Variants in DDX43 observed in about 807,000 individuals in gnomAD.
The protein encoded by DDX43 is probable ATP-dependent RNA helicase DDX43.
DDX43 carries 50 observed loss-of-function variants against 84.9 expected under a neutral mutation model. That is an observed-to-expected ratio of 0.59 (90% CI 0.47 to 0.75). The LOEUF is 0.75. Ranked by LOEUF, DDX43 falls within the 30% of genes least tolerant of loss-of-function variation. The pLI is 0.00. For missense variants in DDX43, 689 were observed against 798.6 expected (o/e 0.86, Z 1.65); for synonymous variants, 291 against 266.3 (o/e 1.09, Z -0.90).
At chr6:73,412,975 C>T (rs535093387) in intron 11 of DDX43, among the ~76,000 whole-genome samples, 1 of 152,184 alleles carries the variant, frequency 6.6e-6, no homozygotes, top group East Asian at 1.9e-4. Flanking sequence ...GCGATCTGCC[C>T]CCTTGGCCTC....
chr6:73,400,106 CTGT>C (rs1390469053), intron 2 of DDX43, 125 bp from the exon 3 acceptor site: 4 of 665,148 alleles, frequency 6.0e-6, no homozygotes, highest in Non-Finnish European at 9.6e-6. Flanking sequence ...GGTGGTAATA[CTGT>C]ATTTACTTTA....
intron 1 of DDX43, among the ~76,000 whole-genome samples, chr6:73,396,509 G>T (rs1447525373): frequency 6.6e-6 from 1 of 152,104 alleles, no homozygotes; most frequent in South Asian, 2.1e-4. Context: ...AAGCCACTAG[G>T]TTTGCAATAA....
chr6:73,397,912 T>G, intron 2 of DDX43, 168 bp downstream of exon 2: 1 of 482,968 alleles, frequency 2.1e-6, no homozygotes, highest in Non-Finnish European at 3.7e-6. Flanking sequence ...ATTCTCCTGC[T>G]TCAGCCTCCT....
intron 2 of DDX43, among the ~76,000 whole-genome samples, chr6:73,399,693 C>T (rs900735559): frequency 2.6e-5 from 4 of 152,138 alleles, no homozygotes; most frequent in Non-Finnish European, 5.9e-5. Context: ...ATAGGTGTTA[C>T]TTGTAGATTC....
At chr6:73,407,642 C>T (rs374717828) in intron 8 of DDX43, 27 bp downstream of exon 8, 5 of 1,375,438 alleles carry the variant, frequency 3.6e-6, no homozygotes, top group Non-Finnish European at 5.2e-6. Flanking sequence ...CCCATTCCTT[C>T]ACCAGTATCA....
chr6:73,398,344 C>T (rs958518440), intron 2 of DDX43, among the ~76,000 whole-genome samples: 5 of 151,922 alleles, frequency 3.3e-5, no homozygotes, highest in Admixed American at 1.3e-4. Flanking sequence ...CTCTGCCTCC[C>T]GGGTTGAAGC....
At chr6:73,400,072 T>C (rs867983264) in intron 2 of DDX43, among the ~76,000 whole-genome samples, 162 bp from the exon 3 acceptor site, 1 of 152,208 alleles carries the variant, frequency 6.6e-6, no homozygotes, top group African/African-American at 2.4e-5. Context: ...TATTCCTCTC[T>C]AACTAGAAAT....
chr6:73,403,221 C>T (rs575469756), intron 4 of DDX43, among the ~76,000 whole-genome samples: 2 of 152,244 alleles, frequency 1.3e-5, no homozygotes, highest in South Asian at 4.2e-4. Context: ...GTAATCCCAG[C>T]ACTTTGGGAG....
chr6:73,394,994 G>A lies in DDX43; in HGVS notation c.89G>A (p.Arg30Lys), dbSNP rs1324364820. ...ACAGTGTCCCGAGCGCCAGAGAGGA[G>A]GCCGGCGGAGGAGTTGAATCGAACA... Reference protein sequence around the residue: ...SSTVSRAPERRPAEELNRTGP... With the variant: ...SSTVSRAPERKPAEELNRTGP... Residue 30 changes from arginine to lysine, a missense_variant, in exon 1 of 17, where the codon AGG becomes AAG. Transcript: ENST00000370336. 2.5e-6 allele frequency: 4 copies of A among 1,614,284 alleles called. No homozygotes were observed. Among genetic ancestry groups the A allele is most frequent in the Non-Finnish European group, 3.4e-6 (4 of 1,180,052 alleles).
In DDX43 at chr6:73,407,951, CTTTTT is replaced by C; in HGVS notation, c.1038-8_1038-4del. 1 of 1,604,642 alleles carries C rather than the reference CTTTTT, an allele frequency of 6.2e-7. No homozygotes were observed. Among genetic ancestry groups the C allele is most frequent in the South Asian group, 1.1e-5 (1 of 90,136 alleles). Reference sequence around the variant, plus strand: ...CTAAACATTAACCTTTAGATTTTTTCTTTTTAAGTGTTTGTGTATATGGTGGTGGA... The same window carrying C: ...CTAAACATTAACCTTTAGATTTTTTCAAGTGTTTGTGTATATGGTGGTGGA... On this transcript the variant is annotated splice_region_variant and splice_polypyrimidine_tract_variant and intron_variant, in intron 8 of 16. Transcript: ENST00000370336.
rs35707346 is a variant in DDX43 at position 73,403,816 on chromosome 6, ATTTTTTTTT to A, written c.569-863_569-855del. Reference sequence around the variant, plus strand: ...AGGCACATACCACCATGCCAGGCTAATTTTTTTTTTTTTTTTTTTAAATGGAGTTTCGCT... The same window carrying A: ...AGGCACATACCACCATGCCAGGCTAATTTTTTTTTTAAATGGAGTTTCGCT... On this transcript the variant is annotated intron_variant, in intron 4 of 16. Coordinates refer to ENST00000370336, the MANE Select transcript of DDX43 (RefSeq NM_018665.3). Among the ~76,000 whole-genome samples the A allele has an allele frequency of 5.6e-4, 78 of 138,598 alleles. No individual in the cohort carries two copies. In the East Asian group the frequency reaches 0.016, roughly 29 times the overall value. The allele number at this position is 138,598 out of a possible 152,430, so 90.9% of individuals were successfully genotyped here.
chr6:73,413,406 TAAATG>T, intron 11 of DDX43: 2 of 260,172 alleles, frequency 7.7e-6, no homozygotes, highest in Admixed American at 1.0e-4. Flanking sequence ...CAAAAATAAA[TAAATG>T]AAATAAAATG....
intron 1 of DDX43, 134 bp downstream of exon 1, chr6:73,395,289 T>C (rs1007337736): frequency 2.1e-5 from 24 of 1,135,494 alleles, no homozygotes; most frequent in Non-Finnish European, 2.4e-5. Context: ...CCAGAGCTAT[T>C]TGTAAAACCT....
Position 73,397,609 on chromosome 6 carries a change from T to A in DDX43, c.251-80T>A, listed in dbSNP as rs149497627. ...GCATTTGGGGGGAAGAACTAGAGAA[T>A]GTTTGTTGAGGAAAATGGGTAAATT... On this transcript the variant is annotated intron_variant, in intron 1 of 16. Coordinates refer to ENST00000370336, the MANE Select transcript of DDX43 (RefSeq NM_018665.3). The A allele has an allele frequency of 9.1e-4, 1,027 of 1,131,936 alleles. 7 individuals are homozygous for A. In the African/African-American group the frequency reaches 0.014, roughly 15 times the overall value. 70.1% of individuals were successfully genotyped at this position (1,131,936 alleles called of 1,614,324 possible). A position where few individuals can be genotyped will look rare whatever the true frequency, so the allele number is the denominator to read the frequency against.
intron 1 of DDX43, among the ~76,000 whole-genome samples, chr6:73,395,905 A>G (rs560298788): frequency 1.6e-3 from 247 of 151,804 alleles, no homozygotes; most frequent in Non-Finnish European, 2.8e-3. Flanking sequence ...AAAGTTAAAA[A>G]CTTTTCTTAC....
At chr6:73,403,155 G>C (rs1769609680) in intron 4 of DDX43, among the ~76,000 whole-genome samples, 1 of 152,186 alleles carries the variant, frequency 6.6e-6, no homozygotes, top group Non-Finnish European at 1.5e-5. Flanking sequence ...AAGTTTGGAA[G>C]AGGTATAATA....
intron 4 of DDX43, among the ~76,000 whole-genome samples, chr6:73,403,358 T>A (rs1045661235): frequency 6.6e-6 from 1 of 152,132 alleles, no homozygotes; most frequent in Admixed American, 6.6e-5. Context: ...TAATCCCATC[T>A]ACTCAGGAGG....
chr6:73,401,848 G>GTT lies in DDX43; in HGVS notation c.437-7_437-6dup. On this transcript the variant is annotated splice_polypyrimidine_tract_variant and intron_variant, in intron 3 of 16. Transcript: ENST00000370336. ...TAGAAAAAAACTAATCGATACAAATGTTTTTAACAGATACTGCATTCCAAC... is the reference window on the plus strand; with the variant it reads ...TAGAAAAAAACTAATCGATACAAATGTTTTTTTAACAGATACTGCATTCCAAC... 7.3e-7 allele frequency: 1 copy of GTT among 1,372,864 alleles called. No homozygotes were observed. The allele number at this position is 1,372,864 out of a possible 1,614,324, so 85.0% of individuals were successfully genotyped here. A position where few individuals can be genotyped will look rare whatever the true frequency, so the allele number is the denominator to read the frequency against.
chr6:73,404,885 G>A, intron 5 of DDX43, 114 bp downstream of exon 5: 1 of 820,680 alleles, frequency 1.2e-6, no homozygotes, highest in Non-Finnish European at 1.9e-6. Context: ...ATATTCAAAT[G>A]AAAATGTGTC....
Sources: gnomAD v4.1 joint callset for allele counts (sites outside exome capture counted in the v4.1 genomes callset) on GRCh38, gnomAD v4.1.1 for gene constraint, MANE v1.5 for transcripts, NCBI Gene and HGNC (gene_info 2026-07-23, HGNC 2026-07-21) for gene names.